KCNMA1: variants seen among roughly 807,000 people sequenced by gnomAD.
The protein encoded by KCNMA1 is potassium calcium-activated channel subfamily M alpha 1, also known as Calcium-activated potassium channel subunit alpha-1.
A neutral mutation model predicts 140.0 loss-of-function variants in KCNMA1; 29 were observed. The ratio of observed to expected loss-of-function variants is 0.21; its 90% CI spans 0.15 to 0.28. The LOEUF is 0.28. Among genes scored for constraint, KCNMA1 ranks in the 10% least tolerant of loss-of-function variants. KCNMA1 has a pLI of 1.00. For synonymous variants in KCNMA1, 612 were observed against 611.9 expected, an observed-to-expected ratio of 1.00 and a Z score of 0.00; for missense variants, 880 against 1,602.2, an observed-to-expected ratio of 0.55 and a Z score of 7.70.
chr10:77,355,716 T>G (rs1351207375), intron 2 of KCNMA1, among the ~76,000 whole-genome samples: 1 of 152,236 alleles, frequency 6.6e-6, no homozygotes, highest in Non-Finnish European at 1.5e-5. Flanking sequence ...AATTCTGTGC[T>G]TTTCAATTAG....
intron 16 of KCNMA1, among the ~76,000 whole-genome samples, chr10:77,025,735 T>A (rs1031131865): frequency 2.6e-5 from 4 of 152,000 alleles, no homozygotes; most frequent in African/African-American, 7.2e-5. Flanking sequence ...GTGGGACATG[T>A]TTAAATAAAG....
chr10:76,996,054 CTT>C (rs1036975491), intron 19 of KCNMA1, among the ~76,000 whole-genome samples: 1 of 152,164 alleles, frequency 6.6e-6, no homozygotes, highest in Non-Finnish European at 1.5e-5. Context: ...CAACCATACT[CTT>C]TTTTTGGAAG....
rs111387265 is a variant in KCNMA1 at position 77,025,218 on chromosome 10, C to T, written c.1928+2605G>A. ...AAATAGGCTACTTCCAATTTATGTACTCTAGTTGGAGAGGGGTGTGTGTGT... is the reference window on the plus strand; with the variant it reads ...AAATAGGCTACTTCCAATTTATGTATTCTAGTTGGAGAGGGGTGTGTGTGT... On this transcript the variant is annotated intron_variant, in intron 16 of 27. Transcript: ENST00000286628. Among the ~76,000 whole-genome samples, 689 of 119,484 alleles carry T rather than the reference C, an allele frequency of 5.8e-3. 4 individuals are homozygous for T. Among genetic ancestry groups the T allele is most frequent in the Non-Finnish European group, 8.6e-3 (508 of 58,982 alleles). 78.4% of individuals were successfully genotyped at this position (119,484 alleles called of 152,430 possible). A position where few individuals can be genotyped will look rare whatever the true frequency, so the allele number is the denominator to read the frequency against.
At chr10:77,235,790 C>T (rs1257755500) in intron 3 of KCNMA1, among the ~76,000 whole-genome samples, 1 of 152,192 alleles carries the variant, frequency 6.6e-6, no homozygotes, top group East Asian at 1.9e-4. Flanking sequence ...TCAAGAGAGG[C>T]CTCTCCTCCA....
chr10:77,578,345 C>G (rs888728822), intron 1 of KCNMA1, among the ~76,000 whole-genome samples: 2 of 152,226 alleles, frequency 1.3e-5, no homozygotes, highest in Non-Finnish European at 2.9e-5. Context: ...CTCAACTGCT[C>G]TGGGTTTCAG....
chr10:76,998,120 C>T (rs912200469), intron 19 of KCNMA1, among the ~76,000 whole-genome samples: 3 of 152,096 alleles, frequency 2.0e-5, no homozygotes, highest in Non-Finnish European at 4.4e-5. Flanking sequence ...ATGACTCAAC[C>T]GATCCACAGT....
chr10:77,187,047 G>A (rs1022389707), intron 3 of KCNMA1, among the ~76,000 whole-genome samples: 1 of 152,108 alleles, frequency 6.6e-6, no homozygotes, highest in Non-Finnish European at 1.5e-5. Flanking sequence ...CCTCACAGTC[G>A]TTATTGGTGG....
chr10:76,914,399 C>A, intron 24 of KCNMA1: 1 of 513,152 alleles, frequency 1.9e-6, no homozygotes, highest in Non-Finnish European at 3.4e-6. Context: ...TTTTGGGGGC[C>A]AGAATGGCAT....
intron 2 of KCNMA1, among the ~76,000 whole-genome samples, chr10:77,386,003 G>A (rs115723890): frequency 2.0e-5 from 3 of 152,162 alleles, no homozygotes; most frequent in East Asian, 3.9e-4. Context: ...TCCATAGGAC[G>A]TGCCTCCTAC....
intron 2 of KCNMA1, among the ~76,000 whole-genome samples, chr10:77,349,175 T>C (rs1306484738): frequency 6.6e-6 from 1 of 152,180 alleles, no homozygotes; most frequent in Non-Finnish European, 1.5e-5. Context: ...TGGGAGGTGA[T>C]AACGTCATGG....
intron 2 of KCNMA1, among the ~76,000 whole-genome samples, chr10:77,371,427 A>G (rs977107390): frequency 1.3e-5 from 2 of 152,116 alleles, no homozygotes; most frequent in African/African-American, 4.8e-5. Flanking sequence ...GTTTCCCCCC[A>G]GGCCCCATGC....
chr10:77,486,655 G>A (rs116574105), intron 1 of KCNMA1, among the ~76,000 whole-genome samples: 98 of 152,304 alleles, frequency 6.4e-4, no homozygotes, highest in African/African-American at 2.1e-3. Flanking sequence ...GGGTACAGCC[G>A]GCTTAGTTCT....
intron 3 of KCNMA1, among the ~76,000 whole-genome samples, chr10:77,195,210 C>T (rs540758920): frequency 6.6e-6 from 1 of 152,188 alleles, no homozygotes; most frequent in East Asian, 1.9e-4. Context: ...ACAGCTAAGG[C>T]CTGGAAGTTT....
At chr10:77,168,787 A>G (rs2098671120) in intron 5 of KCNMA1, among the ~76,000 whole-genome samples, 1 of 152,220 alleles carries the variant, frequency 6.6e-6, no homozygotes, top group South Asian at 2.1e-4. Flanking sequence ...TATGCAAAAC[A>G]TAGTGCCAGA....
chr10:77,111,246 A>G (rs2097314305), intron 7 of KCNMA1, among the ~76,000 whole-genome samples: 1 of 152,212 alleles, frequency 6.6e-6, no homozygotes, highest in Admixed American at 6.5e-5. Context: ...TTACTCAAAT[A>G]TGCCTGTGAT....
At chr10:77,231,417 T>C (rs918438001) in intron 3 of KCNMA1, among the ~76,000 whole-genome samples, 2 of 152,204 alleles carry the variant, frequency 1.3e-5, no homozygotes, top group Non-Finnish European at 2.9e-5. Context: ...GCATGTATGA[T>C]GAATATTTTT....
chr10:77,230,188 A>G (rs2053108955), intron 3 of KCNMA1, among the ~76,000 whole-genome samples: 3 of 152,254 alleles, frequency 2.0e-5, no homozygotes, highest in Admixed American at 6.5e-5. Context: ...GAAGCCAGAC[A>G]CAAAGGTCGC....
At chr10:76,984,752 T>C (rs1254606592) in intron 19 of KCNMA1, among the ~76,000 whole-genome samples, 3 of 152,170 alleles carry the variant, frequency 2.0e-5, no homozygotes, top group Non-Finnish European at 4.4e-5. Context: ...TTAAAAACAG[T>C]AACATGTATT....
intron 2 of KCNMA1, among the ~76,000 whole-genome samples, chr10:77,394,590 A>C (rs2154447671): frequency 6.6e-6 from 1 of 152,298 alleles, no homozygotes; most frequent in Middle Eastern, 3.4e-3. Context: ...CGAAGTGGAA[A>C]TCCATATGTT....
Sources: gnomAD v4.1 joint callset for allele counts (sites outside exome capture counted in the v4.1 genomes callset) on GRCh38, gnomAD v4.1.1 for gene constraint, MANE v1.5 for transcripts, NCBI Gene and HGNC (gene_info 2026-07-23, HGNC 2026-07-21) for gene names.